The following ABHD4 variants were observed in gnomAD, a reference collection of about 807,000 sequenced individuals.
ABHD4 encodes abhydrolase domain containing 4, N-acyl phospholipase B.
In ABHD4, 35 loss-of-function variants were observed where a neutral mutation model predicts 42.3. The ratio of observed to expected loss-of-function variants is 0.83; its 90% CI spans 0.63 to 1.10. The LOEUF is 1.10. Ranked by LOEUF, ABHD4 falls within the 50% of genes least tolerant of loss-of-function variation. The probability of loss-of-function intolerance (pLI) is 0.00; values close to 1 mark genes in which losing one functional copy is unlikely to be tolerated. For missense variants in ABHD4, 389 were observed against 454.8 expected, an observed-to-expected ratio of 0.86 and a Z score of 1.32; for synonymous variants, 169 against 170.6, an observed-to-expected ratio of 0.99 and a Z score of 0.07.
At chr14:22,600,447 G>T (rs2037269082) in intron 1 of ABHD4, among the ~76,000 whole-genome samples, 1 of 152,186 alleles carries the variant, frequency 6.6e-6, no homozygotes, top group South Asian at 2.1e-4. Flanking sequence ...ACAGAGGCTA[G>T]ACTAGTTGAT....
intron 5 of ABHD4, among the ~76,000 whole-genome samples, chr14:22,608,525 C>T (rs1952741904): frequency 6.6e-6 from 1 of 152,196 alleles, no homozygotes; most frequent in African/African-American, 2.4e-5. Flanking sequence ...ATTTTTAATT[C>T]CAGAGTCTTC....
intron 1 of ABHD4, chr14:22,600,126 C>T: frequency 2.2e-6 from 1 of 454,874 alleles, no homozygotes; most frequent in Non-Finnish European, 4.4e-6. Flanking sequence ...ATATTATTAC[C>T]TCCCTTTTAA....
At chr14:22,606,124 G>A (rs2037346119) in intron 4 of ABHD4, among the ~76,000 whole-genome samples, 1 of 152,192 alleles carries the variant, frequency 6.6e-6, no homozygotes, top group Non-Finnish European at 1.5e-5. Context: ...GGGAGGGCTT[G>A]TGATTCTTGC....
At chr14:22,604,545 C>T (rs1351388760) in intron 4 of ABHD4, among the ~76,000 whole-genome samples, 1 of 127,892 alleles carries the variant, frequency 7.8e-6, no homozygotes, top group African/African-American at 3.3e-5. Flanking sequence ...CCGCGCCTGG[C>T]CTGTTTTTTG....
rs1203664304 is a variant in ABHD4 at position 22,612,196 on chromosome 14, A to T, written c.*1248A>T. ...GGGAGCCGTTTCAGGGGTTCTGGGCAGTAGGCTGGGCCTGGCCTCAGAACC... is the reference window on the plus strand; with the variant it reads ...GGGAGCCGTTTCAGGGGTTCTGGGCTGTAGGCTGGGCCTGGCCTCAGAACC... On this transcript the variant is annotated 3_prime_UTR_variant, in exon 7 of 7. Transcript: ENST00000428304. 3.9e-5 allele frequency: 6 copies of T among 152,702 alleles called. No homozygotes were observed. The highest frequency in any genetic ancestry group is 3.9e-4 in the Admixed American group (6 of 15,274). 9.5% of individuals were successfully genotyped at this position (152,702 alleles called of 1,614,324 possible). A position where few individuals can be genotyped will look rare whatever the true frequency, so the allele number is the denominator to read the frequency against.
rs1421282491 is a variant in ABHD4, at chr14:22,612,626, A to G, written c.*1678A>G. On this transcript the variant is annotated 3_prime_UTR_variant, in exon 7 of 7. Transcript: ENST00000428304. ...AGTTCACAGTAGAGAGGTGGAACTT[A>G]GTACTTCCTGCTGCCCATTAGACAC... is the stretch of plus-strand genomic sequence containing the variant. The G allele has an allele frequency of 6.6e-6, 1 of 152,290 alleles. No individual in the cohort carries two copies. The highest frequency in any genetic ancestry group is 1.5e-5 in the Non-Finnish European group (1 of 68,092). 9.4% of individuals were successfully genotyped at this position (152,290 alleles called of 1,614,324 possible).
intron 5 of ABHD4, among the ~76,000 whole-genome samples, chr14:22,607,867 C>G (rs2037366749): frequency 6.6e-6 from 1 of 152,200 alleles, no homozygotes; most frequent in Non-Finnish European, 1.5e-5. Context: ...CTCCCTCACC[C>G]CCAAACACCG....
chr14:22,610,049 T>A (rs1388717431), intron 6 of ABHD4, 139 bp downstream of exon 6: 14 of 780,072 alleles, frequency 1.8e-5, no homozygotes, highest in Non-Finnish European at 2.3e-5. Flanking sequence ...GTTTGGAAAC[T>A]CTCTTTGGAA....
chr14:22,603,586 T>C lies in ABHD4; in HGVS notation c.309T>C (p.Leu103=). ...ARRTLHTFDL[L]GFGRSSRPAF... ...GCACACTGCACACCTTCGATCTGCTTGGCTTCGGGCGAAGCTCAAGGCCAG... is the reference window on the plus strand; with the variant it reads ...GCACACTGCACACCTTCGATCTGCTCGGCTTCGGGCGAAGCTCAAGGCCAG... The change falls in exon 3 of 7, where the codon CTT becomes CTC. Residue 103 remains leucine, a synonymous_variant. Coordinates refer to ENST00000428304, the MANE Select transcript of ABHD4 (RefSeq NM_022060.3). The C allele has an allele frequency of 6.2e-7, 1 of 1,614,130 alleles. No individual in the cohort carries two copies. The highest frequency in any genetic ancestry group is 8.5e-7 in the Non-Finnish European group (1 of 1,180,006).
intron 5 of ABHD4, 84 bp downstream of exon 5, chr14:22,606,617 T>C: frequency 1.0e-6 from 1 of 952,860 alleles, no homozygotes; most frequent in Non-Finnish European, 1.6e-6. Context: ...GGGCTTTATT[T>C]CTTCTTCAAC....
chr14:22,605,796 CAGAG>C, intron 4 of ABHD4: 2 of 1,288,648 alleles, frequency 1.6e-6, no homozygotes, highest in Non-Finnish European at 2.0e-6. Flanking sequence ...GAGAGAAGAC[CAGAG>C]AGAAAGAGAG....
Position 22,603,932 on chromosome 14 carries a change from C to T in ABHD4, c.493C>T (p.His165Tyr). ...TTTCCGCCTTTAACATAGAGTTAAACACCTCATCCTGGTGGACCCATGGGG... is the reference window on the plus strand; with the variant it reads ...TTTCCGCCTTTAACATAGAGTTAAATACCTCATCCTGGTGGACCCATGGGG... ...YSIKYPDRVKHLILVDPWGFP... is the reference protein window; with the variant it reads ...YSIKYPDRVKYLILVDPWGFP... The change falls in exon 4 of 7, where the codon CAC becomes TAC. Residue 165 changes from histidine (H) to tyrosine (Y), a missense_variant. This residue lies in a region of ABHD4 where 249 missense variants were observed against 254.4 expected (regional missense o/e 0.98). Transcript: ENST00000428304. 6.2e-7 allele frequency: 1 copy of T among 1,614,136 alleles called. No homozygotes were observed. Among genetic ancestry groups the T allele is most frequent in the Non-Finnish European group, 8.5e-7 (1 of 1,180,004 alleles).
At chr14:22,607,631 T>A (rs2139270955) in intron 5 of ABHD4, among the ~76,000 whole-genome samples, 1 of 152,190 alleles carries the variant, frequency 6.6e-6, no homozygotes, top group South Asian at 2.1e-4. Context: ...TCAAATCAGG[T>A]TCCCCTGTCT....
rs188531318 is a variant in ABHD4 at position 22,608,455 on chromosome 14, T to C, written c.753-1269T>C. Among the ~76,000 whole-genome samples the C allele has an allele frequency of 1.7e-3, 255 of 152,338 alleles. 1 individual carries two copies. Among genetic ancestry groups the C allele is most frequent in the Admixed American group, 3.2e-3 (49 of 15,310 alleles). ...TGACCGGGGAGTGAAATAGATTACA[T>C]TGGCATTTGTTGTTTCTTGCTTAAC... On this transcript the variant is annotated intron_variant, in intron 5 of 6. Transcript: ENST00000428304.
At chr14:22,609,372 A>T (rs2037385273) in intron 5 of ABHD4, among the ~76,000 whole-genome samples, 1 of 152,222 alleles carries the variant, frequency 6.6e-6, no homozygotes, top group East Asian at 1.9e-4. Context: ...CACATGAGCT[A>T]AAGTGTGTGA....
rs754619473 is a variant in ABHD4 at position 22,610,981 on chromosome 14, G to C, written c.*33G>C. ...TCTGAAGAGGAAGAGGAGAAAGCCA[G>C]AGAGTCACTCTTACCTCCCTGTCTG... On this transcript the variant is annotated 3_prime_UTR_variant, in exon 7 of 7. Coordinates refer to ENST00000428304, the MANE Select transcript of ABHD4 (RefSeq NM_022060.3). 4.4e-6 allele frequency: 7 copies of C among 1,593,238 alleles called. No individual in the cohort carries two copies. In the South Asian group the frequency reaches 7.7e-5, roughly 18 times the overall value.
chr14:22,598,519 G>A (rs1245821877), intron 1 of ABHD4, 190 bp downstream of exon 1: 8 of 1,506,582 alleles, frequency 5.3e-6, no homozygotes, highest in Non-Finnish European at 5.3e-6. Flanking sequence ...GGCTGAGCCT[G>A]GGGAGCCATG....
chr14:22,601,787 C>T, intron 2 of ABHD4, 32 bp downstream of exon 2: 1 of 1,581,150 alleles, frequency 6.3e-7, no homozygotes, highest in African/African-American at 1.3e-5. Flanking sequence ...TCCCACCTCC[C>T]TCATGGAGCC....
rs1298056939 is a variant in ABHD4, at chr14:22,610,965, G to A, written c.*17G>A. ...GTTGATTGAGCTGCTCTCTGAAGAG[G>A]AAGAGGAGAAAGCCAGAGAGTCACT... On this transcript the variant is annotated 3_prime_UTR_variant, in exon 7 of 7. Coordinates refer to ENST00000428304, the MANE Select transcript of ABHD4 (RefSeq NM_022060.3). 1.2e-6 allele frequency: 2 copies of A among 1,610,854 alleles called. No homozygotes were observed. The highest frequency in any genetic ancestry group is 1.7e-5 in the Admixed American group (1 of 60,008).
Sources: gnomAD v4.1 joint callset for allele counts (sites outside exome capture counted in the v4.1 genomes callset) on GRCh38, gnomAD v4.1.1 for gene constraint, gnomAD v4.1.1 regional missense constraint, MANE v1.5 for transcripts, NCBI Gene and HGNC (gene_info 2026-07-23, HGNC 2026-07-21) for gene names.